JAK2: variants seen among roughly 807,000 people sequenced by gnomAD.
JAK2 encodes the protein tyrosine-protein kinase JAK2.
A neutral mutation model predicts 139.3 loss-of-function variants in JAK2; 86 were observed. That is an observed-to-expected ratio of 0.62 (90% CI 0.52 to 0.74). JAK2 has a LOEUF of 0.74. Ranked by LOEUF, JAK2 falls within the 30% of genes least tolerant of loss-of-function variation. JAK2 has a pLI of 0.00. For synonymous variants in JAK2, 490 were observed against 437.7 expected (o/e 1.12, Z -1.49); for missense variants, 1,421 against 1,360.3 (o/e 1.04, Z -0.70).
chr9:5,029,947 C>G (rs1823035435), intron 4 of JAK2, 41 bp downstream of exon 4: 1 of 1,516,422 alleles, frequency 6.6e-7, no homozygotes. Flanking sequence ...TGCTAAAAGG[C>G]AAAATGGGAG....
chr9:5,031,889 C>G (rs1026239777), intron 4 of JAK2, among the ~76,000 whole-genome samples: 1 of 152,202 alleles, frequency 6.6e-6, no homozygotes, highest in Non-Finnish European at 1.5e-5. Context: ...GTTCGTCTCA[C>G]TGGGGAGTGT....
intron 2 of JAK2, among the ~76,000 whole-genome samples, chr9:4,998,921 A>C (rs1820762393): frequency 6.6e-6 from 1 of 151,518 alleles, no homozygotes; most frequent in Non-Finnish European, 1.5e-5. Context: ...TCCCGGGTTC[A>C]CGCCATTCTC....
rs1351891082 is a variant in JAK2 at position 5,022,040 on chromosome 9, C to G, written c.53C>G (p.Ser18Cys). The G allele has an allele frequency of 6.2e-7, 1 of 1,614,122 alleles. No homozygotes were observed. The highest frequency in any genetic ancestry group is 1.7e-5 in the Admixed American group (1 of 60,020). ...MTEMEGTSTS[S>C]IYQNGDISGN... ...GAAATGGAGGGAACATCCACCTCTT[C>G]TATATATCAGAATGGTGATATTTCT... Residue 18 changes from serine to cysteine, a missense_variant, in exon 3 of 25, where the codon TCT becomes TGT. Ser to Cys is a moderately radical substitution (Grantham distance 112, BLOSUM62 -1). Transcript: ENST00000381652.
intron 22 of JAK2, among the ~76,000 whole-genome samples, chr9:5,107,265 C>T (rs1357883012): frequency 6.6e-6 from 1 of 151,894 alleles, no homozygotes; most frequent in Admixed American, 6.6e-5. Flanking sequence ...CCTTACTGGC[C>T]CTACTACTAC....
chr9:5,077,852 C>G (rs1282324325), intron 15 of JAK2, among the ~76,000 whole-genome samples: 1 of 152,106 alleles, frequency 6.6e-6, no homozygotes, highest in Non-Finnish European at 1.5e-5. Flanking sequence ...AAAATTCAAC[C>G]AAAAATTATG....
chr9:4,994,093 A>G (rs1409120246), intron 2 of JAK2, among the ~76,000 whole-genome samples: 1 of 152,202 alleles, frequency 6.6e-6, no homozygotes, highest in Non-Finnish European at 1.5e-5. Flanking sequence ...TGTTTTTATT[A>G]GTCTTTCTTA....
chr9:5,081,599 T>A lies in JAK2; in HGVS notation c.2435-126T>A, dbSNP rs200021539. ...CTCCCATTAATATAATTGAAACTAT[T>A]TGAGTTTCCCTGTATCATTTAGTAT... On this transcript the variant is annotated intron_variant, in intron 18 of 24. Transcript: ENST00000381652. The A allele has an allele frequency of 1.9e-4, 121 of 635,688 alleles. No individual in the cohort carries two copies. The East Asian group carries it at 3.3e-3, about 17-fold the overall frequency. 39.4% of individuals were successfully genotyped at this position (635,688 alleles called of 1,614,324 possible). A position where few individuals can be genotyped will look rare whatever the true frequency, so the allele number is the denominator to read the frequency against.
chr9:5,064,112 C>T (rs777895403), intron 8 of JAK2, among the ~76,000 whole-genome samples: 3 of 152,054 alleles, frequency 2.0e-5, no homozygotes, highest in Non-Finnish European at 2.9e-5. Flanking sequence ...GCCAAGATCG[C>T]GCCATTGCAC....
chr9:5,029,289 C>G (rs1219852870), intron 3 of JAK2, among the ~76,000 whole-genome samples: 1 of 152,136 alleles, frequency 6.6e-6, no homozygotes, highest in Admixed American at 6.5e-5. Flanking sequence ...ACACACACAG[C>G]ATTTGTTGCT....
intron 19 of JAK2, among the ~76,000 whole-genome samples, chr9:5,089,164 A>AATT (rs1322234747): frequency 2.0e-5 from 3 of 152,212 alleles, no homozygotes; most frequent in Admixed American, 6.5e-5. Flanking sequence ...CTTTTGAAGA[A>AATT]ATTAAATTTA....
At chr9:5,057,580 C>CTT (rs541931562) in intron 8 of JAK2, among the ~76,000 whole-genome samples, 41 of 116,766 alleles carry the variant, frequency 3.5e-4, no homozygotes, top group Non-Finnish European at 5.5e-4. Context: ...ATTCTACTTT[C>CTT]TTTTTTTTTT....
chr9:5,114,708 G>T, intron 22 of JAK2: 1 of 390,872 alleles, frequency 2.6e-6, no homozygotes, highest in South Asian at 2.1e-5. Flanking sequence ...TACCAGGGCT[G>T]AATGGGAACA....
chr9:5,085,456 T>C (rs998556734), intron 19 of JAK2: 24 of 735,482 alleles, frequency 3.3e-5, no homozygotes, highest in African/African-American at 3.1e-4. Flanking sequence ...GAAGGTCTTT[T>C]CAAGGTATTG....
In JAK2 at chr9:5,069,175, C is replaced by T; in HGVS notation, c.1480C>T (p.Gln494Ter). Residue 494 changes from glutamine (Q) to a stop codon, truncating the protein, a stop_gained, in exon 11 of 25, where the codon CAG becomes TAG. Coordinates refer to ENST00000381652, the MANE Select transcript of JAK2 (RefSeq NM_004972.4). LOFTEE classifies it high-confidence loss of function. ...TGTTCGCTCAGACAATATAATTTTC[C>T]AGTTTACTAAATGCTGTCCCCCAAA... ...ETVRSDNIIF[Q>*]FTKCCPPKPK... is the part of the protein sequence containing the mutation. 1 of 1,609,050 alleles carries T rather than the reference C, an allele frequency of 6.2e-7. No individual in the cohort carries two copies. Among genetic ancestry groups the T allele is most frequent in the Non-Finnish European group, 8.5e-7 (1 of 1,178,316 alleles).
intron 2 of JAK2, among the ~76,000 whole-genome samples, chr9:4,994,742 T>A (rs1820464289): frequency 6.6e-6 from 1 of 152,174 alleles, no homozygotes; most frequent in African/African-American, 2.4e-5. Context: ...GCTCTGCCAA[T>A]TCCCAATTTA....
chr9:5,036,354 T>G (rs1823599919), intron 4 of JAK2, among the ~76,000 whole-genome samples: 2 of 152,190 alleles, frequency 1.3e-5, no homozygotes, highest in South Asian at 2.1e-4. Context: ...GATGACTTTC[T>G]TCACAGAATT....
At chr9:5,087,335 G>A (rs973084272) in intron 19 of JAK2, among the ~76,000 whole-genome samples, 1 of 152,164 alleles carries the variant, frequency 6.6e-6, no homozygotes, top group Non-Finnish European at 1.5e-5. Context: ...GATCTCATGA[G>A]AACTATCACG....
chr9:5,094,138 C>G (rs781100176), intron 22 of JAK2: 3 of 152,182 alleles, frequency 2.0e-5, no homozygotes, highest in Non-Finnish European at 2.9e-5. Flanking sequence ...TATTCCCACT[C>G]TAATTGCTAT....
intron 22 of JAK2, chr9:5,097,217 A>G (rs145436239): frequency 6.6e-6 from 1 of 152,158 alleles, no homozygotes. Flanking sequence ...TTTTCGTCCA[A>G]CCATTCCTCA....
Sources: allele counts gnomAD v4.1 joint callset (sites outside exome capture counted in the v4.1 genomes callset), GRCh38; gene constraint gnomAD v4.1.1; transcripts MANE v1.5; gene names NCBI Gene and HGNC (gene_info 2026-07-23, HGNC 2026-07-21).